NRXN3: variants seen among roughly 807,000 people sequenced by gnomAD.
The protein encoded by NRXN3 is neurexin III.
A neutral mutation model predicts 137.6 loss-of-function variants in NRXN3; 32 were observed. The ratio of observed to expected loss-of-function variants is 0.23; its 90% CI spans 0.18 to 0.31. The LOEUF (loss-of-function observed/expected upper bound fraction) is 0.31. Among genes scored for constraint, NRXN3 ranks in the 10% least tolerant of loss-of-function variants. The pLI, the probability that NRXN3 is intolerant of heterozygous loss-of-function variation, is 1.00. For missense variants in NRXN3, 1,574 were observed against 2,062.5 expected (o/e 0.76, Z 4.59); for synonymous variants, 798 against 784.5 (o/e 1.02, Z -0.29).
chr14:78,747,026 C>T (rs2098611151), intron 8 of NRXN3, among the ~76,000 whole-genome samples: 1 of 152,126 alleles, frequency 6.6e-6, no homozygotes, highest in Non-Finnish European at 1.5e-5. Flanking sequence ...AGTAGGTAAG[C>T]TCCCAGGGCA....
intron 15 of NRXN3, among the ~76,000 whole-genome samples, chr14:79,437,402 G>C (rs1337883175): frequency 1.3e-5 from 2 of 149,552 alleles, no homozygotes; most frequent in African/African-American, 4.9e-5. Flanking sequence ...TGTTAATCCT[G>C]AAATGTGCGT....
chr14:78,383,818 A>C (rs1413973585), intron 4 of NRXN3, among the ~76,000 whole-genome samples: 2 of 152,166 alleles, frequency 1.3e-5, no homozygotes, highest in Non-Finnish European at 2.9e-5. Context: ...GTAAGTGTTA[A>C]TCCTTGCCTT....
rs2099634477 is a variant in NRXN3, at chr14:79,047,231, T to A, written c.3262+59090T>A. 2.0e-5 allele frequency among the ~76,000 whole-genome samples: 3 copies of A among 151,748 alleles called. No homozygotes were observed. The South Asian group carries it at 6.2e-4, about 32-fold the overall frequency. On this transcript the variant is annotated intron_variant, in intron 15 of 20. Transcript: ENST00000335750. ...AGGTATTCTCCAAGACTTCTTTATG[T>A]GAAGTAGTTCAGCCTTGGCAGAGTT...
intron 4 of NRXN3, among the ~76,000 whole-genome samples, chr14:78,511,756 G>A (rs921790590): frequency 3.9e-5 from 6 of 152,020 alleles, no homozygotes; most frequent in South Asian, 2.1e-4. Flanking sequence ...TAAGAATTAC[G>A]GAGTGTTAGG....
chr14:79,663,249 T>C lies in NRXN3; in HGVS notation c.3445-529T>C, dbSNP rs112955280. Among the ~76,000 whole-genome samples, 787 of 148,720 alleles carry C rather than the reference T, an allele frequency of 5.3e-3. 10 individuals carry two copies. Among genetic ancestry groups the C allele is most frequent in the African/African-American group, 0.018 (736 of 40,720 alleles). On this transcript the variant is annotated intron_variant, in intron 16 of 20. Coordinates refer to ENST00000335750, the MANE Select transcript of NRXN3 (RefSeq NM_001330195.2). ...ATGTGCATGTGTGTGTGTGTACGCG[T>C]GTGTGTGTGTGTGTGTATATTTATA... is the stretch of plus-strand genomic sequence containing the variant.
intron 15 of NRXN3, among the ~76,000 whole-genome samples, chr14:79,247,928 C>T (rs1184833766): frequency 6.6e-6 from 1 of 151,950 alleles, no homozygotes; most frequent in Non-Finnish European, 1.5e-5. Flanking sequence ...CACATTTCAC[C>T]ACTTGTTATC....
chr14:78,478,044 G>A (rs2095409891), intron 4 of NRXN3, among the ~76,000 whole-genome samples: 4 of 152,160 alleles, frequency 2.6e-5, no homozygotes. Context: ...GAGACAGGAT[G>A]TTGATCATAG....
At chr14:78,511,150 A>T (rs1374965503) in intron 4 of NRXN3, among the ~76,000 whole-genome samples, 3 of 152,290 alleles carry the variant, frequency 2.0e-5, no homozygotes, top group East Asian at 3.9e-4. Context: ...CAACAACAAC[A>T]GCAGCAGCAA....
At chr14:79,154,977 G>T (rs1326425877) in intron 15 of NRXN3, among the ~76,000 whole-genome samples, 1 of 151,814 alleles carries the variant, frequency 6.6e-6, no homozygotes, top group East Asian at 1.9e-4. Context: ...GTTCCCCTGT[G>T]GATCTCTTAT....
intron 6 of NRXN3, among the ~76,000 whole-genome samples, chr14:78,699,018 C>G (rs73315876): frequency 0.013 from 2,009 of 152,098 alleles, 57 homozygotes; most frequent in African/African-American, 0.046. Flanking sequence ...TCCACCTCCT[C>G]CTGTAAGCAC....
intron 15 of NRXN3, among the ~76,000 whole-genome samples, chr14:79,056,393 ATT>A (rs138016075): frequency 6.6e-6 from 1 of 151,054 alleles, no homozygotes; most frequent in Non-Finnish European, 1.5e-5. Context: ...GTATCCGTGC[ATT>A]TTTTTTTTCA....
chr14:78,393,543 A>C (rs1211680034), intron 4 of NRXN3, among the ~76,000 whole-genome samples: 1 of 151,994 alleles, frequency 6.6e-6, no homozygotes, highest in Non-Finnish European at 1.5e-5. Context: ...AATCATGTAG[A>C]TTGATTCCTC....
intron 4 of NRXN3, among the ~76,000 whole-genome samples, chr14:78,487,475 G>A (rs2095581343): frequency 1.3e-5 from 2 of 152,154 alleles, no homozygotes; most frequent in South Asian, 4.1e-4. Context: ...AGGAGCAGTG[G>A]CTCACACCTG....
chr14:78,974,117 A>G (rs1307357412), intron 14 of NRXN3, among the ~76,000 whole-genome samples: 1 of 152,164 alleles, frequency 6.6e-6, no homozygotes, highest in Non-Finnish European at 1.5e-5. Flanking sequence ...AAGCTTTACA[A>G]TAGCTTTCAG....
chr14:78,473,296 G>A (rs1024200452), intron 4 of NRXN3, among the ~76,000 whole-genome samples: 2 of 151,860 alleles, frequency 1.3e-5, no homozygotes, highest in African/African-American at 4.8e-5. Flanking sequence ...CAGCTACTCG[G>A]GAGGCTGAGG....
At chr14:78,795,637 C>A (rs2098819363) in intron 8 of NRXN3, among the ~76,000 whole-genome samples, 1 of 152,036 alleles carries the variant, frequency 6.6e-6, no homozygotes, top group Admixed American at 6.6e-5. Flanking sequence ...CAGATATATA[C>A]CATTTGGGAC....
chr14:78,868,837 A>T (rs1596692875), intron 10 of NRXN3, among the ~76,000 whole-genome samples: 2 of 151,964 alleles, frequency 1.3e-5, no homozygotes, highest in East Asian at 3.9e-4. Flanking sequence ...AATAAAATAA[A>T]ATAAAATAAA....
intron 4 of NRXN3, among the ~76,000 whole-genome samples, chr14:78,361,618 G>T (rs1457587658): frequency 6.6e-6 from 1 of 152,132 alleles, no homozygotes; most frequent in African/African-American, 2.4e-5. Flanking sequence ...AAATTGAATT[G>T]GGTGAGAGTG....
chr14:79,270,445 T>C (rs895762390), intron 15 of NRXN3, among the ~76,000 whole-genome samples: 1 of 152,248 alleles, frequency 6.6e-6, no homozygotes, highest in Admixed American at 6.5e-5. Flanking sequence ...CGTTTTCATT[T>C]TGCCTGTGAG....
Sources: allele counts gnomAD v4.1 joint callset (sites outside exome capture counted in the v4.1 genomes callset), GRCh38; gene constraint gnomAD v4.1.1; transcripts MANE v1.5; gene names NCBI Gene and HGNC (gene_info 2026-07-23, HGNC 2026-07-21).